The following ZNF385D variants were observed in gnomAD, a reference collection of about 807,000 sequenced individuals.
The protein encoded by ZNF385D is zinc finger protein 385D.
ZNF385D carries 15 observed loss-of-function variants against 35.8 expected under a neutral mutation model. The ratio of observed to expected loss-of-function variants is 0.42; its 90% CI spans 0.28 to 0.64. ZNF385D has a LOEUF of 0.64. Ranked by LOEUF, ZNF385D falls within the 30% of genes least tolerant of loss-of-function variation. ZNF385D has a pLI of 0.23. For synonymous variants in ZNF385D, 212 were observed against 186.8 expected (o/e 1.13, Z -1.10); for missense variants, 474 against 494.6 (o/e 0.96, Z 0.39).
At chr3:21,869,539 C>A (rs1575809240) in intron 3 of ZNF385D, among the ~76,000 whole-genome samples, 1 of 152,040 alleles carries the variant, frequency 6.6e-6, no homozygotes, top group South Asian at 2.1e-4. Flanking sequence ...CTAAGTTGAA[C>A]AGGCACCATT....
At chr3:22,144,421 A>G (rs1475031229) in intron 3 of ZNF385D, among the ~76,000 whole-genome samples, 1 of 151,974 alleles carries the variant, frequency 6.6e-6, no homozygotes, top group Non-Finnish European at 1.5e-5. Context: ...TAAAAATACA[A>G]AAAATAAATT....
chr3:21,810,990 G>GTA (rs1289420492), intron 3 of ZNF385D, among the ~76,000 whole-genome samples: 5 of 97,168 alleles, frequency 5.1e-5, no homozygotes, highest in African/African-American at 1.6e-4. Flanking sequence ...GTGTGTGTGT[G>GTA]TGTGTGTGTA....
intron 3 of ZNF385D, among the ~76,000 whole-genome samples, chr3:21,857,390 G>T (rs922759712): frequency 6.6e-6 from 1 of 151,998 alleles, no homozygotes; most frequent in Admixed American, 6.6e-5. Context: ...TATTCCTTAG[G>T]TGCCAGGGGA....
intron 3 of ZNF385D, among the ~76,000 whole-genome samples, chr3:22,004,058 A>AC (rs1263629144): frequency 6.6e-6 from 1 of 152,138 alleles, no homozygotes; most frequent in African/African-American, 2.4e-5. Context: ...AAACCATATA[A>AC]CCAATGGAAC....
intron 3 of ZNF385D, among the ~76,000 whole-genome samples, chr3:21,884,799 A>G (rs1698458374): frequency 6.6e-6 from 1 of 152,190 alleles, no homozygotes; most frequent in African/African-American, 2.4e-5. Context: ...ATATGGCAAT[A>G]TTTACACGGT....
At chr3:22,342,842 T>C (rs890037726) in intron 2 of ZNF385D, among the ~76,000 whole-genome samples, 1 of 152,200 alleles carries the variant, frequency 6.6e-6, no homozygotes, top group Non-Finnish European at 1.5e-5. Flanking sequence ...CCAAGAGACC[T>C]CAATCTCAAA....
chr3:21,989,522 A>G (rs544864622), intron 3 of ZNF385D, among the ~76,000 whole-genome samples: 1 of 152,184 alleles, frequency 6.6e-6, no homozygotes, highest in East Asian at 1.9e-4. Flanking sequence ...CTCAAAAGGT[A>G]TGTCAGTTTT....
intron 3 of ZNF385D, among the ~76,000 whole-genome samples, chr3:22,043,717 GAC>G (rs1185048926): frequency 6.6e-6 from 1 of 151,458 alleles, no homozygotes; most frequent in East Asian, 1.9e-4. Context: ...TCACCTCATT[GAC>G]TGTGGCTGGA....
rs538959289 is a variant in ZNF385D, at chr3:22,099,935, T to C, written c.325+68882A>G. On this transcript the variant is annotated intron_variant, in intron 3 of 5. Coordinates refer to the ZNF385D transcript ENST00000494108. ...TTATCAAAAATGTCAGGATTAAGTG[T>C]CAGTTCTTGAGATATTTTAAAAAAT... is the stretch of plus-strand genomic sequence containing the variant. 5.5e-4 allele frequency among the ~76,000 whole-genome samples: 84 copies of C among 152,172 alleles called. 1 individual carries two copies. Among genetic ancestry groups the C allele is most frequent in the Middle Eastern group, 3.4e-3 (1 of 292 alleles).
intron 3 of ZNF385D, among the ~76,000 whole-genome samples, chr3:21,533,236 A>G (rs2125539531): frequency 6.6e-6 from 1 of 152,258 alleles, no homozygotes; most frequent in South Asian, 2.1e-4. Flanking sequence ...TAACATGAGC[A>G]GAGGAAGTCA....
intron 1 of ZNF385D, among the ~76,000 whole-genome samples, chr3:21,677,283 G>T (rs1368875685): frequency 6.6e-6 from 1 of 151,988 alleles, no homozygotes; most frequent in Admixed American, 6.6e-5. Context: ...AAGATCAGAG[G>T]CCAAGGTTAA....
intron 3 of ZNF385D, among the ~76,000 whole-genome samples, chr3:21,975,051 G>A (rs531133221): frequency 6.6e-6 from 1 of 152,290 alleles, no homozygotes; most frequent in Middle Eastern, 3.4e-3. Context: ...ATACAATTCA[G>A]CAATACCACT....
intron 3 of ZNF385D, among the ~76,000 whole-genome samples, chr3:21,852,248 G>A (rs1696427579): frequency 6.6e-6 from 1 of 151,774 alleles, no homozygotes; most frequent in African/African-American, 2.4e-5. Context: ...TCTCTCATTG[G>A]GTTGCACATC....
chr3:21,459,868 T>C (rs989982384), intron 4 of ZNF385D, among the ~76,000 whole-genome samples: 19 of 149,756 alleles, frequency 1.3e-4, no homozygotes, highest in Admixed American at 1.2e-3. Flanking sequence ...GTGAAGACTT[T>C]AGAACCCAGC....
Position 21,751,059 on chromosome 3 carries a change from C to T in ZNF385D, c.-143G>A. 1 of 1,535,384 alleles carries T rather than the reference C, an allele frequency of 6.5e-7. No homozygotes were observed. Among genetic ancestry groups the T allele is most frequent in the Non-Finnish European group, 8.8e-7 (1 of 1,141,068 alleles). ...GCAGTGAGCGCCGAGAGCGTGCCTCCTCCGCGGGATGAGCGCCTTGCAGGC... is the reference window on the plus strand; with the variant it reads ...GCAGTGAGCGCCGAGAGCGTGCCTCTTCCGCGGGATGAGCGCCTTGCAGGC... On this transcript the variant is annotated 5_prime_UTR_variant, in exon 1 of 8. Coordinates refer to ENST00000281523, the MANE Select transcript of ZNF385D (RefSeq NM_024697.3).
At chr3:21,598,860 C>T (rs937178908) in intron 2 of ZNF385D, among the ~76,000 whole-genome samples, 1 of 152,082 alleles carries the variant, frequency 6.6e-6, no homozygotes, top group African/African-American at 2.4e-5. Context: ...TAAATGATTC[C>T]AGAGAAGTTC....
chr3:22,100,292 A>G (rs1390979944), intron 3 of ZNF385D, among the ~76,000 whole-genome samples: 1 of 144,010 alleles, frequency 6.9e-6, no homozygotes, highest in Admixed American at 7.0e-5. Context: ...TCAGGGATCT[A>G]GAACTAGAAA....
chr3:22,123,960 CTCTATATA>C lies in ZNF385D; in HGVS notation c.325+44849_325+44856del, dbSNP rs1414793070. On this transcript the variant is annotated intron_variant, in intron 3 of 5. Transcript: ENST00000494108. ...TCTCTCTCTCTCTCTCTCTCTCTCT[CTCTATATA>C]TATATATATATATATATATATTGCT... 4.4e-3 allele frequency among the ~76,000 whole-genome samples: 317 copies of C among 72,820 alleles called. 1 individual carries two copies. Among genetic ancestry groups the C allele is most frequent in the African/African-American group, 0.012 (258 of 21,800 alleles). The allele number at this position is 72,820 out of a possible 152,430, so 47.8% of individuals were successfully genotyped here.
chr3:21,924,901 C>T (rs1700647956), intron 3 of ZNF385D, among the ~76,000 whole-genome samples: 1 of 152,054 alleles, frequency 6.6e-6, no homozygotes, highest in African/African-American at 2.4e-5. Flanking sequence ...AAAGTGGTGC[C>T]CTCCTTCTCC....
Sources: gnomAD v4.1 joint callset for allele counts (sites outside exome capture counted in the v4.1 genomes callset) on GRCh38, gnomAD v4.1.1 for gene constraint, MANE v1.5 for transcripts, NCBI Gene and HGNC (gene_info 2026-07-23, HGNC 2026-07-21) for gene names.